SERPINI1: variants seen among roughly 807,000 people sequenced by gnomAD.
The protein encoded by SERPINI1 is serpin family I member 1, also known as neuroserpin.
A neutral mutation model predicts 41.1 loss-of-function variants in SERPINI1; 19 were observed. The observed-to-expected ratio is 0.46, with a 90% CI of 0.32 to 0.68. The LOEUF is 0.68. Among genes scored for constraint, SERPINI1 ranks in the 30% least tolerant of loss-of-function variants. The pLI is 0.03. For missense variants in SERPINI1, 460 were observed against 479.2 expected (o/e 0.96, Z 0.37); for synonymous variants, 138 against 156.6 (o/e 0.88, Z 0.89).
chr3:167,822,125 G>A (rs919639972), intron 6 of SERPINI1, among the ~76,000 whole-genome samples: 3 of 152,196 alleles, frequency 2.0e-5, no homozygotes, highest in Non-Finnish European at 2.9e-5. Context: ...ACGCTGACAC[G>A]TAGAGTTAAT....
intron 1 of SERPINI1, among the ~76,000 whole-genome samples, chr3:167,779,021 A>G (rs1383534734): frequency 1.3e-5 from 2 of 152,168 alleles, no homozygotes; most frequent in Non-Finnish European, 2.9e-5. Flanking sequence ...GCTAGTTGCT[A>G]TGTGATCAGT....
intron 1 of SERPINI1, among the ~76,000 whole-genome samples, chr3:167,746,944 A>G (rs1725878601): frequency 6.6e-6 from 1 of 152,184 alleles, no homozygotes; most frequent in Non-Finnish European, 1.5e-5. Context: ...TGCCGAAAAG[A>G]GTTGAAAAAA....
chr3:167,818,815 C>A (rs1712215499), intron 6 of SERPINI1, among the ~76,000 whole-genome samples: 2 of 152,184 alleles, frequency 1.3e-5, no homozygotes, highest in South Asian at 2.1e-4. Context: ...TTTCTTGTTT[C>A]AAAGTGCCTA....
intron 1 of SERPINI1, among the ~76,000 whole-genome samples, chr3:167,754,228 C>A (rs1385514213): frequency 6.6e-6 from 1 of 152,154 alleles, no homozygotes; most frequent in African/African-American, 2.4e-5. Context: ...CACAGGCTGT[C>A]ACAAATCCCA....
intron 6 of SERPINI1, among the ~76,000 whole-genome samples, chr3:167,812,177 C>G (rs1184531923): frequency 6.6e-6 from 1 of 152,172 alleles, no homozygotes; most frequent in Admixed American, 6.5e-5. Context: ...TTTCCAATCT[C>G]TCTCCAATCT....
intron 1 of SERPINI1, among the ~76,000 whole-genome samples, chr3:167,763,357 T>TTGTGTGTGTGTGTGTGTG (rs35578479): frequency 8.1e-4 from 120 of 147,738 alleles, no homozygotes; most frequent in African/African-American, 3.0e-3. Flanking sequence ...AACCACAGTT[T>TTGTGTGTGTGTGTGTGTG]TGTGTGTGTG....
intron 1 of SERPINI1, among the ~76,000 whole-genome samples, chr3:167,771,277 T>C (rs1726739683): frequency 6.6e-6 from 1 of 152,164 alleles, no homozygotes; most frequent in Non-Finnish European, 1.5e-5. Flanking sequence ...TAAATTCCCA[T>C]TGGTGGAAGA....
intron 6 of SERPINI1, among the ~76,000 whole-genome samples, chr3:167,817,971 G>T (rs1266038781): frequency 6.6e-6 from 1 of 151,908 alleles, no homozygotes; most frequent in East Asian, 1.9e-4. Flanking sequence ...AAAATTATTC[G>T]CATAAAAAAG....
chr3:167,815,848 G>T (rs1305139299), intron 6 of SERPINI1, among the ~76,000 whole-genome samples: 1 of 152,074 alleles, frequency 6.6e-6, no homozygotes. Flanking sequence ...TTCAATCTTT[G>T]CTGTCTTTGA....
intron 5 of SERPINI1, among the ~76,000 whole-genome samples, chr3:167,799,728 C>T (rs1025809851): frequency 3.9e-5 from 6 of 152,114 alleles, no homozygotes; most frequent in South Asian, 2.1e-4. Flanking sequence ...TTTTAATGAT[C>T]GCCATTCTAA....
chr3:167,806,993 A>G (rs186267274), intron 5 of SERPINI1, among the ~76,000 whole-genome samples: 1 of 152,282 alleles, frequency 6.6e-6, no homozygotes, highest in African/African-American at 2.4e-5. Flanking sequence ...GTTGTACCAT[A>G]TATTATGGTT....
At chr3:167,792,234 A>G (rs71304656) in intron 3 of SERPINI1, among the ~76,000 whole-genome samples, 3,504 of 152,194 alleles carry the variant, frequency 0.023, 87 homozygotes, top group Non-Finnish European at 0.026. Context: ...GATTAAGTCT[A>G]AGCTTATATT....
intron 6 of SERPINI1, 115 bp from the exon 7 acceptor site, chr3:167,822,871 C>G: frequency 2.9e-6 from 2 of 685,986 alleles, no homozygotes; most frequent in Admixed American, 4.7e-5. Context: ...ACATTATCTC[C>G]TAGGTTTTCT....
rs1167105267 is a variant in SERPINI1, at chr3:167,807,257, C to T, written c.895C>T (p.Gln299Ter). 6.2e-7 allele frequency: 1 copy of T among 1,611,654 alleles called. No homozygotes were observed. The highest frequency in any genetic ancestry group is 1.7e-5 in the Admixed American group (1 of 59,904). ...EVYLPRFTVEQEIDLKDVLKA... is the reference protein window; with the variant it reads ...EVYLPRFTVE The stretch of plus-strand genomic sequence containing the variant: ...TGTGTTCTCCAGGTTCACAGTGGAA[C>T]AGGAAATTGATTTAAAAGATGTTTT... The change falls in exon 6 of 9, where the codon CAG becomes TAG. Residue 299 changes from glutamine (Q) to a stop codon, truncating the protein, a stop_gained. Transcript: ENST00000446050. LOFTEE classifies it high-confidence loss of function.
At chr3:167,772,859 T>TCA in intron 1 of SERPINI1, among the ~76,000 whole-genome samples, 1 of 32,718 alleles carries the variant, frequency 3.1e-5, no homozygotes, top group African/African-American at 1.3e-4. Flanking sequence ...TCTCTCTCTC[T>TCA]CTCTCTATAT....
At chr3:167,819,419 A>T (rs1468534410) in intron 6 of SERPINI1, among the ~76,000 whole-genome samples, 8 of 152,210 alleles carry the variant, frequency 5.3e-5, no homozygotes, top group Non-Finnish European at 1.2e-4. Context: ...GATTTGAGGG[A>T]GCTAATTATA....
intron 1 of SERPINI1, among the ~76,000 whole-genome samples, chr3:167,773,797 C>T (rs900073914): frequency 2.0e-5 from 3 of 152,102 alleles, no homozygotes; most frequent in African/African-American, 7.2e-5. Context: ...TTTATGGGAG[C>T]TTTAAAAAAC....
At chr3:167,792,871 CCTTGTCAAT>C (rs1419249984) in intron 4 of SERPINI1, 87 bp downstream of exon 4, 1 of 1,140,906 alleles carries the variant, frequency 8.8e-7, no homozygotes, top group Non-Finnish European at 1.3e-6. Context: ...TATTCAAACT[CCTTGTCAAT>C]CTAATTTGGG....
chr3:167,768,417 A>C (rs1484723206), intron 1 of SERPINI1, among the ~76,000 whole-genome samples: 1 of 152,196 alleles, frequency 6.6e-6, no homozygotes, highest in Non-Finnish European at 1.5e-5. Flanking sequence ...CATATAACTC[A>C]CTTTATTGTG....
Sources: gnomAD v4.1 joint callset for allele counts (sites outside exome capture counted in the v4.1 genomes callset) on GRCh38, gnomAD v4.1.1 for gene constraint, MANE v1.5 for transcripts, NCBI Gene and HGNC (gene_info 2026-07-23, HGNC 2026-07-21) for gene names.